The following BANF2 variants were observed in gnomAD, a reference collection of about 807,000 sequenced individuals.
BANF2 encodes the protein BANF family member 2.
Under a neutral mutation model 8.0 loss-of-function variants are expected in BANF2, and 4 were observed. That is an observed-to-expected ratio of 0.50 (90% CI 0.25 to 1.14). BANF2 has a LOEUF of 1.14. Ranked by LOEUF, BANF2 falls within the 50% of genes most tolerant of loss-of-function variation. The pLI, the probability that BANF2 is intolerant of heterozygous loss-of-function variation, is 0.16. For missense variants in BANF2, 96 were observed against 107.5 expected, an observed-to-expected ratio of 0.89 and a Z score of 0.47; for synonymous variants, 50 against 40.6, an observed-to-expected ratio of 1.23 and a Z score of -0.88.
intron 1 of BANF2, among the ~76,000 whole-genome samples, chr20:17,713,214 C>T (rs1292374562): frequency 6.6e-6 from 1 of 151,850 alleles, no homozygotes; most frequent in African/African-American, 2.4e-5. Flanking sequence ...GCTATGATTG[C>T]ACTCCGGCCT....
chr20:17,725,355 C>T (rs1210739694), intron 3 of BANF2, among the ~76,000 whole-genome samples: 3 of 152,258 alleles, frequency 2.0e-5, no homozygotes, highest in African/African-American at 7.2e-5. Flanking sequence ...GGCACATACA[C>T]ATAGAATGGC....
chr20:17,725,131 GTC>G lies in BANF2; in HGVS notation c.107_108del (p.Val36AspfsTer6). 1 of 1,612,960 alleles carries G rather than the reference GTC, an allele frequency of 6.2e-7. No homozygotes were observed. On this transcript the variant is annotated frameshift_variant, in exon 3 of 4. Coordinates refer to ENST00000246090, the MANE Select transcript of BANF2 (RefSeq NM_178477.5). LOFTEE classifies it high-confidence loss of function. ...GISHELAINL[V>X]TKGINKAYIL... is the part of the protein sequence containing the mutation. ...CAGCCATGAGCTCGCGATCAATTTG[GTC>G]ACCAAAGGTATCAATAAGGTAATTC... is the stretch of plus-strand genomic sequence containing the variant.
At chr20:17,712,880 C>A (rs938730278) in intron 1 of BANF2, among the ~76,000 whole-genome samples, 1 of 152,144 alleles carries the variant, frequency 6.6e-6, no homozygotes, top group East Asian at 1.9e-4. Flanking sequence ...TGGAAGCAAC[C>A]CAGCTTCCCA....
chr20:17,731,793 G>A (rs1352986467), intron 3 of BANF2, among the ~76,000 whole-genome samples: 4 of 145,840 alleles, frequency 2.7e-5, no homozygotes, highest in South Asian at 2.2e-4. Context: ...TAGGCCAGGC[G>A]TGATGGCTCA....
intron 3 of BANF2, among the ~76,000 whole-genome samples, chr20:17,727,781 A>G (rs866703813): frequency 5.7e-4 from 86 of 152,090 alleles, no homozygotes; most frequent in African/African-American, 2.0e-3. Context: ...GTCTCATTGT[A>G]TTGCGCAGGC....
intron 3 of BANF2, among the ~76,000 whole-genome samples, chr20:17,727,160 C>T (rs956381451): frequency 1.3e-5 from 2 of 152,140 alleles, no homozygotes; most frequent in Non-Finnish European, 1.5e-5. Flanking sequence ...ACTTGCCTGT[C>T]GAGTCAGGGC....
At chr20:17,707,463 C>T (rs1196643096) in intron 1 of BANF2, among the ~76,000 whole-genome samples, 1 of 151,938 alleles carries the variant, frequency 6.6e-6, no homozygotes, top group East Asian at 1.9e-4. Context: ...GATGGAAGTA[C>T]AGCAGAGGCA....
intron 3 of BANF2, among the ~76,000 whole-genome samples, chr20:17,734,107 G>A (rs182600321): frequency 1.2e-4 from 19 of 152,272 alleles, no homozygotes; most frequent in East Asian, 1.9e-4. Flanking sequence ...TTCTGGCTAC[G>A]TGGCCTTGGG....
At chr20:17,700,853 T>C (rs1456384271) in intron 1 of BANF2, among the ~76,000 whole-genome samples, 1 of 152,200 alleles carries the variant, frequency 6.6e-6, no homozygotes, top group Non-Finnish European at 1.5e-5. Flanking sequence ...TTCCCTACCA[T>C]GGCCCATTCG....
chr20:17,716,299 G>A (rs2037651042), intron 1 of BANF2, among the ~76,000 whole-genome samples: 1 of 152,096 alleles, frequency 6.6e-6, no homozygotes, highest in Non-Finnish European at 1.5e-5. Flanking sequence ...CTCAGAGTCC[G>A]ACCTTCAGTG....
At chr20:17,729,909 G>T (rs2037867576) in intron 3 of BANF2, among the ~76,000 whole-genome samples, 1 of 152,198 alleles carries the variant, frequency 6.6e-6, no homozygotes, top group African/African-American at 2.4e-5. Context: ...ATGGGTAGGT[G>T]AATTTTCAGA....
intron 2 of BANF2, among the ~76,000 whole-genome samples, chr20:17,724,549 T>C (rs1425787085): frequency 1.3e-5 from 2 of 152,240 alleles, no homozygotes; most frequent in African/African-American, 2.4e-5. Flanking sequence ...CTATAATGTG[T>C]TCTTTACAAT....
intron 1 of BANF2, among the ~76,000 whole-genome samples, chr20:17,708,625 C>A (rs1029078945): frequency 6.6e-6 from 1 of 152,260 alleles, no homozygotes; most frequent in African/African-American, 2.4e-5. Flanking sequence ...CTTTTATCAG[C>A]GCCCTTGCAC....
intron 3 of BANF2, among the ~76,000 whole-genome samples, chr20:17,726,038 T>C (rs373745929): frequency 6.6e-6 from 1 of 152,182 alleles, no homozygotes; most frequent in Non-Finnish European, 1.5e-5. Flanking sequence ...CCCCAATCTG[T>C]GAGCCAGTTT....
chr20:17,694,601 CTTTTTTTTTTTTTTTTTTT>C (rs869067650), intron 1 of BANF2, among the ~76,000 whole-genome samples: 6 of 26,738 alleles, frequency 2.2e-4, no homozygotes, highest in Non-Finnish European at 2.9e-4. Flanking sequence ...TTTTCTCTCT[CTTTTTTTTTTTTTTTTTTT>C]TTTTTTTTTT....
intron 3 of BANF2, among the ~76,000 whole-genome samples, chr20:17,735,361 G>T (rs887362053): frequency 5.9e-5 from 9 of 152,134 alleles, no homozygotes; most frequent in Admixed American, 2.6e-4. Flanking sequence ...TTCAGAACCC[G>T]CATTTTAACA....
intron 1 of BANF2, chr20:17,712,595 C>A: frequency 1.1e-6 from 1 of 931,380 alleles, no homozygotes; most frequent in Non-Finnish European, 1.3e-6. Flanking sequence ...TTCTCTTCCA[C>A]CTTCCCTGGG....
chr20:17,697,877 T>G (rs868547992), upstream of BANF2, among the ~76,000 whole-genome samples: 1 of 152,118 alleles, frequency 6.6e-6, no homozygotes, highest in African/African-American at 2.4e-5. Context: ...GTACTCATGA[T>G]AGTGAGTTCT....
chr20:17,722,901 G>C (rs1338989674), intron 2 of BANF2, 23 bp downstream of exon 2: 1 of 980,454 alleles, frequency 1.0e-6, no homozygotes, highest in Middle Eastern at 5.3e-4. Flanking sequence ...ATGGGGACAG[G>C]AGAGGGGATG....
Sources: allele counts gnomAD v4.1 joint callset (sites outside exome capture counted in the v4.1 genomes callset), GRCh38; gene constraint gnomAD v4.1.1; transcripts MANE v1.5; gene names NCBI Gene and HGNC (gene_info 2026-07-23, HGNC 2026-07-21).